The following KANK1 variants were observed in gnomAD, a reference collection of about 807,000 sequenced individuals.
KANK1 encodes KN motif and ankyrin repeat domain-containing protein 1.
KANK1 carries 109 observed loss-of-function variants against 106.2 expected under a neutral mutation model. The ratio of observed to expected loss-of-function variants is 1.03; its 90% CI spans 0.88 to 1.20. The LOEUF (loss-of-function observed/expected upper bound fraction) is 1.20. Ranked by LOEUF, KANK1 falls within the 50% of genes most tolerant of loss-of-function variation. KANK1 has a pLI of 0.00. For missense variants in KANK1, 2,399 were observed against 1,710.7 expected (o/e 1.40, Z -7.10); for synonymous variants, 873 against 652.2 (o/e 1.34, Z -5.16).
In KANK1 at chr9:525,305, T is replaced by G. The variant is rs575177781; in HGVS notation, c.-84+20551T>G. ...CTACTGCTCCCAGCCAACTCTTGCT[T>G]CTTAAACCCAAGGACCCTGATTTCT... On this transcript the variant is annotated intron_variant, in intron 1 of 11. Transcript: ENST00000382297. 4.6e-5 allele frequency among the ~76,000 whole-genome samples: 7 copies of G among 151,444 alleles called. No individual in the cohort carries two copies. The South Asian group carries it at 1.2e-3, about 27-fold the overall frequency.
intron 1 of KANK1, among the ~76,000 whole-genome samples, chr9:567,503 G>A (rs148013215): frequency 6.6e-6 from 1 of 152,324 alleles, no homozygotes; most frequent in Non-Finnish European, 1.5e-5. Context: ...AGGACAACTT[G>A]GAGGTTAGAA....
chr9:619,157 C>G (rs1433726473), intron 1 of KANK1, among the ~76,000 whole-genome samples: 2 of 152,186 alleles, frequency 1.3e-5, no homozygotes, highest in African/African-American at 2.4e-5. Flanking sequence ...ATCCTCAGTT[C>G]TTGCTTTACA....
In KANK1 at chr9:669,001, G is replaced by A. The variant is rs141086016; in HGVS notation, c.-83-7889G>A. Among the ~76,000 whole-genome samples the A allele has an allele frequency of 4.9e-3, 752 of 152,208 alleles. 7 individuals carry two copies. Among genetic ancestry groups the A allele is most frequent in the African/African-American group, 0.017 (720 of 41,504 alleles). ...CTGGTTCCTAACATGCGACGGACCA[G>A]TACTGGTCCATGGCTCAGGAGTTGG... On this transcript the variant is annotated intron_variant, in intron 1 of 11. Transcript: ENST00000382297.
chr9:696,217 G>C (rs1237031573), intron 2 of KANK1, among the ~76,000 whole-genome samples: 1 of 151,778 alleles, frequency 6.6e-6, no homozygotes, highest in African/African-American at 2.4e-5. Context: ...CCGGGAGGCG[G>C]AGTTTGCAGG....
chr9:642,380 C>T (rs566009503), intron 1 of KANK1, among the ~76,000 whole-genome samples: 1 of 150,948 alleles, frequency 6.6e-6, no homozygotes, highest in African/African-American at 2.5e-5. Flanking sequence ...CTTAAAAAGT[C>T]GACATTATTT....
chr9:534,153 A>C (rs1355503046), intron 1 of KANK1, among the ~76,000 whole-genome samples: 1 of 152,210 alleles, frequency 6.6e-6, no homozygotes, highest in African/African-American at 2.4e-5. Flanking sequence ...GAAAGGGCAT[A>C]GAGTAATAAA....
At chr9:552,025 C>T (rs2061315402) in intron 1 of KANK1, among the ~76,000 whole-genome samples, 1 of 152,090 alleles carries the variant, frequency 6.6e-6, no homozygotes, top group Non-Finnish European at 1.5e-5. Flanking sequence ...CACTGTATTC[C>T]AGCCTGGGTA....
intron 1 of KANK1, among the ~76,000 whole-genome samples, chr9:541,515 T>G (rs2060597797): frequency 6.6e-6 from 1 of 152,130 alleles, no homozygotes; most frequent in Non-Finnish European, 1.5e-5. Flanking sequence ...AGTATAAAAC[T>G]ACTTGAAGAA....
rs1472245012 is a variant in KANK1 at position 732,551 on chromosome 9, C to T, written c.3179C>T (p.Ser1060Phe). 6.2e-7 allele frequency: 1 copy of T among 1,614,102 alleles called. No homozygotes were observed. Among genetic ancestry groups the T allele is most frequent in the Non-Finnish European group, 8.5e-7 (1 of 1,180,008 alleles). Residue 1060 changes from serine to phenylalanine, a missense_variant, in exon 6 of 12, where the codon TCT (serine) becomes TTT (phenylalanine). Ser to Phe is a radical substitution (Grantham distance 155, BLOSUM62 -2). Coordinates refer to ENST00000382297, the MANE Select transcript of KANK1 (RefSeq NM_015158.5). ...GCAGTTAATATTGAAGGTTTGAAGTCTGCCAGGGTGGAAGATGAAATGCAG... is the reference window on the plus strand; with the variant it reads ...GCAGTTAATATTGAAGGTTTGAAGTTTGCCAGGGTGGAAGATGAAATGCAG... ...HHAVNIEGLK[S>F]ARVEDEMQVQ... is the part of the protein sequence containing the mutation.
At chr9:509,131 G>A (rs138569476) in intron 1 of KANK1, among the ~76,000 whole-genome samples, 4 of 152,112 alleles carry the variant, frequency 2.6e-5, no homozygotes, top group Non-Finnish European at 4.4e-5. Context: ...GCGGAGTCTT[G>A]CTCTGTCACC....
chr9:577,841 A>G (rs73639374), intron 1 of KANK1, among the ~76,000 whole-genome samples: 9,545 of 152,178 alleles, frequency 0.063, 811 homozygotes, highest in East Asian at 0.23. Context: ...TTAAAATTGT[A>G]CTTTTTATTA....
chr9:531,320 A>G (rs182358764), intron 1 of KANK1, among the ~76,000 whole-genome samples: 27 of 152,260 alleles, frequency 1.8e-4, no homozygotes, highest in Non-Finnish European at 3.7e-4. Context: ...AGTCCCAGCT[A>G]CTGAGGAGAC....
chr9:575,440 G>A (rs1188919259), intron 1 of KANK1, among the ~76,000 whole-genome samples: 5 of 151,686 alleles, frequency 3.3e-5, no homozygotes, highest in Admixed American at 2.0e-4. Context: ...GACTGAGCTG[G>A]GAGGATCATT....
chr9:704,528 C>T (rs368391775), intron 2 of KANK1, among the ~76,000 whole-genome samples: 4 of 152,056 alleles, frequency 2.6e-5, no homozygotes, highest in Admixed American at 6.6e-5. Context: ...TTTATTTGCC[C>T]CTATTAGTGT....
intron 3 of KANK1, among the ~76,000 whole-genome samples, chr9:723,587 A>T (rs1829918507): frequency 6.6e-6 from 1 of 151,836 alleles, no homozygotes; most frequent in Non-Finnish European, 1.5e-5. Context: ...ATCACATTCC[A>T]TTGCACTCTA....
Position 730,158 on chromosome 9 carries a change from C to T in KANK1, c.2806C>T (p.Pro936Ser). Residue 936 changes from proline (P) to serine (S), a missense_variant, in exon 4 of 12, where the codon CCA becomes TCA. By Grantham distance (74) the Pro-to-Ser change is moderately conservative. Transcript: ENST00000382297. Reference sequence around the variant, plus strand: ...AGAAGTGGGGACCTCAGAAGGAAAGCCAATCAGCAGCCTGGATGCCTTCCC... The same window carrying T: ...AGAAGTGGGGACCTCAGAAGGAAAGTCAATCAGCAGCCTGGATGCCTTCCC... Reference protein sequence around the residue: ...EQEVGTSEGKPISSLDAFPTQ... With the variant: ...EQEVGTSEGKSISSLDAFPTQ... The T allele has an allele frequency of 6.2e-7, 1 of 1,614,174 alleles. No homozygotes were observed. The highest frequency in any genetic ancestry group is 8.5e-7 in the Non-Finnish European group (1 of 1,180,022).
Position 712,987 on chromosome 9 carries a change from T to C in KANK1, c.2221T>C (p.Leu741=), listed in dbSNP as rs1469736480. ...GACGCGGTCCATTGGTGTTGGAACG[T>C]TGCTTTCTGGCCATTCTGGGTTTGA... The part of the protein sequence containing the change: ...TKTRSIGVGT[L]LSGHSGFDRP... The change falls in exon 3 of 12, where the codon TTG becomes CTG. Residue 741 remains leucine, a synonymous_variant. Coordinates refer to ENST00000382297, the MANE Select transcript of KANK1 (RefSeq NM_015158.5). The C allele has an allele frequency of 6.2e-7, 1 of 1,614,196 alleles. No homozygotes were observed. The highest frequency in any genetic ancestry group is 1.1e-5 in the South Asian group (1 of 91,058).
At chr9:718,151 T>G (rs1347486094) in intron 3 of KANK1, among the ~76,000 whole-genome samples, 1 of 152,142 alleles carries the variant, frequency 6.6e-6, no homozygotes, top group East Asian at 1.9e-4. Context: ...TCTTAATCAC[T>G]TTCTTTTAAT....
At chr9:540,202 C>T (rs2060522164) in intron 1 of KANK1, among the ~76,000 whole-genome samples, 2 of 152,166 alleles carry the variant, frequency 1.3e-5, no homozygotes, top group South Asian at 4.1e-4. Context: ...TGTCGAGGTC[C>T]ATTCTTTATA....
Sources: allele counts gnomAD v4.1 joint callset (sites outside exome capture counted in the v4.1 genomes callset), GRCh38; gene constraint gnomAD v4.1.1; transcripts MANE v1.5; gene names NCBI Gene and HGNC (gene_info 2026-07-23, HGNC 2026-07-21).